The following ATRX variants were observed in gnomAD, a reference collection of about 807,000 sequenced individuals.
The protein encoded by ATRX is chromatin remodeler ATRX.
Under a neutral mutation model 172.6 loss-of-function variants are expected in ATRX, and 12 were observed. The ratio of observed to expected loss-of-function variants is 0.07; its 90% confidence interval spans 0.04 to 0.11. The LOEUF is 0.11. Ranked by LOEUF, ATRX falls within the 10% of genes least tolerant of loss-of-function variation. The probability of loss-of-function intolerance (pLI) is 1.00; values close to 1 mark genes in which losing one functional copy is unlikely to be tolerated. For synonymous variants in ATRX, 674 were observed against 594.7 expected (o/e 1.13, Z -1.94); for missense variants, 1,368 against 1,767.4 (o/e 0.77, Z 4.05).
chrX:77,721,759 T>C (rs782734408), intron 1 of ATRX, among the ~76,000 whole-genome samples: 56 of 111,550 alleles, frequency 5.0e-4, no homozygotes, highest in Non-Finnish European at 9.2e-4. Flanking sequence ...AAGTAATGTA[T>C]ACATTCAATG....
intron 12 of ATRX, among the ~76,000 whole-genome samples, chrX:77,660,031 T>C (rs1236241586): frequency 1.8e-5 from 2 of 111,562 alleles, no homozygotes; most frequent in African/African-American, 6.5e-5. Flanking sequence ...GGTAATAAAT[T>C]ACCCACAGAA....
chrX:77,771,231 C>A (rs782808545), intron 1 of ATRX, among the ~76,000 whole-genome samples: 1 of 109,888 alleles, frequency 9.1e-6, no homozygotes, highest in East Asian at 2.8e-4. Flanking sequence ...ACAAAATTAG[C>A]CGGAAGTGGT....
intron 30 of ATRX, among the ~76,000 whole-genome samples, chrX:77,538,322 T>C (rs1465121381): frequency 4.6e-5 from 5 of 109,366 alleles, no homozygotes; most frequent in East Asian, 2.9e-4. Context: ...TGCCACAACA[T>C]TGATGGAACT....
At chrX:77,570,600 T>C (rs575561173) in intron 28 of ATRX, among the ~76,000 whole-genome samples, 1 of 111,684 alleles carries the variant, frequency 9.0e-6, no homozygotes, top group Admixed American at 9.5e-5. Context: ...ATAAAACTTG[T>C]AAAATACAAC....
At chrX:77,745,551 CATAGAG>C (rs1376966198) in intron 1 of ATRX, among the ~76,000 whole-genome samples, 32 of 111,288 alleles carry the variant, frequency 2.9e-4, no homozygotes, top group East Asian at 2.8e-4. Flanking sequence ...CAATTGAACT[CATAGAG>C]ATAGAGAGTA....
intron 30 of ATRX, among the ~76,000 whole-genome samples, chrX:77,549,613 T>C (rs1239035047): frequency 8.9e-6 from 1 of 112,485 alleles, no homozygotes; most frequent in Non-Finnish European, 1.9e-5. Flanking sequence ...TAGAAACTTG[T>C]GTTAAACTAC....
At chrX:77,535,104 A>G (rs1469032047) in intron 30 of ATRX, among the ~76,000 whole-genome samples, 1 of 112,229 alleles carries the variant, frequency 8.9e-6, no homozygotes, top group Non-Finnish European at 1.9e-5. Context: ...AAAAGCCTCT[A>G]CTTTCAAATT....
rs782374254 is a variant in ATRX, at chrX:77,682,600, C to G, written c.2656G>C (p.Glu886Gln). Residue 886 changes from glutamate (E) to glutamine (Q), a missense_variant, in exon 9 of 35, where the codon GAG becomes CAG. Physicochemically the swap from Glu to Gln is conservative, Grantham distance 29 (BLOSUM62 2). This residue lies in a region of ATRX where 843 missense variants were observed against 643.1 expected (regional missense o/e 1.31). Transcript: ENST00000373344. ...SDDAERKQERETFSSAEGTVD... is the reference protein window; with the variant it reads ...SDDAERKQERQTFSSAEGTVD... The stretch of plus-strand genomic sequence containing the variant: ...GTGCCTTCTGCTGAAGAGAAAGTCT[C>G]TCTCTCTTGTTTTCTTTCAGCATCA... 16 of 1,208,811 alleles carry G rather than the reference C, an allele frequency of 1.3e-5. No individual in the cohort carries two copies. Among genetic ancestry groups the G allele is most frequent in the South Asian group, 5.3e-5 (3 of 56,814 alleles).
chrX:77,714,058 G>A (rs966306000), intron 2 of ATRX, among the ~76,000 whole-genome samples: 8 of 111,598 alleles, frequency 7.2e-5, no homozygotes, highest in Non-Finnish European at 1.5e-4. Flanking sequence ...AGGTCAGAGA[G>A]CTTCAAAGCT....
chrX:77,679,331 T>C (rs913851532), intron 9 of ATRX, among the ~76,000 whole-genome samples: 1 of 111,194 alleles, frequency 9.0e-6, no homozygotes, highest in African/African-American at 3.3e-5. Flanking sequence ...GTTGAAGGAT[T>C]GGAATTTGCT....
intron 22 of ATRX, among the ~76,000 whole-genome samples, chrX:77,604,609 C>A (rs1363361302): frequency 8.9e-6 from 1 of 111,946 alleles, no homozygotes; most frequent in Non-Finnish European, 1.9e-5. Flanking sequence ...AAAAATAGAA[C>A]TAACATTTGA....
At chrX:77,630,599 T>C (rs1255890110) in intron 19 of ATRX, among the ~76,000 whole-genome samples, 2 of 112,181 alleles carry the variant, frequency 1.8e-5, no homozygotes, top group Non-Finnish European at 3.8e-5. Context: ...CTATGGTCAA[T>C]TGATTTTCAA....
intron 15 of ATRX, among the ~76,000 whole-genome samples, chrX:77,648,973 A>C (rs1185088871): frequency 9.0e-6 from 1 of 110,858 alleles, no homozygotes; most frequent in Non-Finnish European, 1.9e-5. Context: ...GGTCAAGACC[A>C]GCCTGGGTAG....
rs140526999 is a variant in ATRX, at chrX:77,711,388, A to G, written c.133+5743T>C. Among the ~76,000 whole-genome samples the G allele has an allele frequency of 4.2e-3, 468 of 112,544 alleles. 1 individual carries two copies. Among genetic ancestry groups the G allele is most frequent in the African/African-American group, 0.014 (436 of 30,982 alleles). On this transcript the variant is annotated intron_variant, in intron 2 of 34. Transcript: ENST00000373344. ...GAAGCAAGAAAAGAAATTAAAAGGT[A>G]TACAGATGGAAAGGAAAAAATAAAA...
At chrX:77,737,377 C>A (rs1393732774) in intron 1 of ATRX, among the ~76,000 whole-genome samples, 1 of 89,615 alleles carries the variant, frequency 1.1e-5, no homozygotes, top group Non-Finnish European at 2.1e-5. Flanking sequence ...GAGCCAAGAT[C>A]GCACCATTGC....
At chrX:77,636,543 T>C (rs1557108177) in intron 15 of ATRX, among the ~76,000 whole-genome samples, 3 of 110,760 alleles carry the variant, frequency 2.7e-5, no homozygotes, top group Non-Finnish European at 5.7e-5. Flanking sequence ...CTTTATAAAT[T>C]ACCCAATCTC....
rs782781621 is a variant in ATRX at position 77,683,123 on chromosome X, A to C, written c.2133T>G (p.Pro711=). The C allele has an allele frequency of 5.8e-6, 7 of 1,209,006 alleles. No individual in the cohort carries two copies. The African/African-American group carries it at 7.0e-5, about 12-fold the overall frequency. Residue 711 remains proline, a synonymous_variant, in exon 9 of 35, where the codon CCT becomes CCG. Transcript: ENST00000373344. ...TAGATTTTGGCAATTTATTAGGCTT[A>C]GGATTATCTATAGCACTGTCAGAAG... is the stretch of plus-strand genomic sequence containing the variant. ...RNSSDSAIDN[P]KPNKLPKSKQ...
At chrX:77,627,464 A>G (rs929910484) in intron 19 of ATRX, among the ~76,000 whole-genome samples, 2 of 110,612 alleles carry the variant, frequency 1.8e-5, no homozygotes. Context: ...GGTGGCTCAC[A>G]CCTGTAATGC....
chrX:77,731,291 C>A (rs1718120974), intron 1 of ATRX, among the ~76,000 whole-genome samples: 1 of 111,743 alleles, frequency 8.9e-6, no homozygotes, highest in African/African-American at 3.2e-5. Flanking sequence ...ATGAACAAAT[C>A]TGCAACCTGA....
Sources: allele counts gnomAD v4.1 joint callset (sites outside exome capture counted in the v4.1 genomes callset), GRCh38; gene constraint gnomAD v4.1.1; regional missense constraint gnomAD v4.1.1; transcripts MANE v1.5; gene names NCBI Gene and HGNC (gene_info 2026-07-23, HGNC 2026-07-21).